Variants in MTMR3 observed in about 807,000 individuals in gnomAD.
MTMR3 encodes myotubularin related protein 3.
MTMR3 carries 32 observed loss-of-function variants against 132.4 expected under a neutral mutation model. The observed-to-expected ratio is 0.24, with a 90% CI of 0.18 to 0.32. MTMR3 has a LOEUF of 0.32. MTMR3 is among the 10% of genes least tolerant of loss of function. MTMR3 has a pLI of 1.00. For missense variants in MTMR3, 1,216 were observed against 1,489.6 expected, an observed-to-expected ratio of 0.82 and a Z score of 3.02; for synonymous variants, 556 against 550.3, an observed-to-expected ratio of 1.01 and a Z score of -0.14.
At chr22:29,938,638 C>T (rs1384653905) in intron 1 of MTMR3, among the ~76,000 whole-genome samples, 2 of 152,096 alleles carry the variant, frequency 1.3e-5, no homozygotes, top group African/African-American at 4.8e-5. Flanking sequence ...GTATTCAGAC[C>T]TTTCCGAAAT....
rs1276634531 is a variant in MTMR3, at chr22:30,016,522, C to T, written c.1504-6C>T. The T allele has an allele frequency of 1.2e-6, 2 of 1,612,678 alleles. No individual in the cohort carries two copies. Among genetic ancestry groups the T allele is most frequent in the Non-Finnish European group, 1.7e-6 (2 of 1,179,342 alleles). On this transcript the variant is annotated splice_region_variant and splice_polypyrimidine_tract_variant and intron_variant, in intron 14 of 19. Coordinates refer to ENST00000401950, the MANE Select transcript of MTMR3 (RefSeq NM_021090.4). ...GCTTAATTTGTGCTTCATTGGACTT[C>T]CATAGGTGAAACTGGTGCAGCATAC...
intron 2 of MTMR3, among the ~76,000 whole-genome samples, chr22:29,968,958 C>T (rs1381695357): frequency 2.6e-5 from 4 of 152,062 alleles, no homozygotes; most frequent in Admixed American, 6.6e-5. Context: ...AATGGTGCAC[C>T]CAAAACCCCT....
chr22:29,933,877 G>C (rs572065264), intron 1 of MTMR3, among the ~76,000 whole-genome samples: 1 of 151,962 alleles, frequency 6.6e-6, no homozygotes, highest in Non-Finnish European at 1.5e-5. Context: ...GGCTAAAGTA[G>C]GCATTTTTAG....
At chr22:30,022,957 C>T (rs1390344062) in intron 19 of MTMR3, 2 of 496,880 alleles carry the variant, frequency 4.0e-6, no homozygotes, top group Non-Finnish European at 7.2e-6. Context: ...AAACAACAGC[C>T]ACCACTGAAA....
chr22:30,022,511 T>C, intron 18 of MTMR3, 98 bp from the exon 19 acceptor site: 1 of 1,009,038 alleles, frequency 9.9e-7, no homozygotes, highest in Admixed American at 1.8e-5. Context: ...CTGGAGCTGA[T>C]GTGGTCCTTG....
At chr22:29,917,644 G>A (rs2065334261) in intron 1 of MTMR3, among the ~76,000 whole-genome samples, 1 of 152,178 alleles carries the variant, frequency 6.6e-6, no homozygotes, top group African/African-American at 2.4e-5. Flanking sequence ...TTATTTCACT[G>A]GAACAAGTCT....
chr22:29,997,147 A>G (rs1333503461), intron 7 of MTMR3: 1 of 152,202 alleles, frequency 6.6e-6, no homozygotes, highest in African/African-American at 2.4e-5. Flanking sequence ...AACTTTTCCA[A>G]AATGGGATGG....
At chr22:29,955,381 TACTC>T (rs1352754916) in intron 1 of MTMR3, among the ~76,000 whole-genome samples, 3 of 152,230 alleles carry the variant, frequency 2.0e-5, no homozygotes, top group Admixed American at 6.5e-5. Context: ...TTCATGCAAA[TACTC>T]AGGTAGAATT....
chr22:29,937,854 G>C (rs995401609), intron 1 of MTMR3, among the ~76,000 whole-genome samples: 1 of 152,070 alleles, frequency 6.6e-6, no homozygotes, highest in Non-Finnish European at 1.5e-5. Flanking sequence ...TTTAGTTGTT[G>C]GTTCCTAATT....
intron 1 of MTMR3, among the ~76,000 whole-genome samples, chr22:29,911,116 C>T (rs1346587850): frequency 6.6e-6 from 1 of 152,098 alleles, no homozygotes; most frequent in Non-Finnish European, 1.5e-5. Flanking sequence ...AGAATGAAAC[C>T]AGAATGAGGC....
intron 18 of MTMR3, 115 bp from the exon 19 acceptor site, chr22:30,022,494 G>A (rs772434447): frequency 1.2e-5 from 10 of 849,000 alleles, no homozygotes; most frequent in Non-Finnish European, 1.9e-5. Context: ...CTGCTGGGCT[G>A]GTGCCACTGG....
chr22:29,962,903 C>CT (rs2066339165), intron 2 of MTMR3, among the ~76,000 whole-genome samples: 1 of 138,702 alleles, frequency 7.2e-6, no homozygotes, highest in African/African-American at 2.7e-5. Context: ...TCCTTTCTCT[C>CT]TTTTTTCTTT....
At chr22:29,897,973 GTATTAT>G (rs1230134691) in intron 1 of MTMR3, among the ~76,000 whole-genome samples, 1 of 151,900 alleles carries the variant, frequency 6.6e-6, no homozygotes, top group Non-Finnish European at 1.5e-5. Flanking sequence ...TGATATATGT[GTATTAT>G]TATTATTATT....
chr22:30,002,813 C>G, intron 8 of MTMR3, 67 bp from the exon 9 acceptor site: 1 of 1,217,218 alleles, frequency 8.2e-7, no homozygotes, highest in East Asian at 2.3e-5. Flanking sequence ...GTGTCTCTCT[C>G]TCTCTCCCGT....
chr22:29,944,314 T>C (rs1569017106), intron 1 of MTMR3, among the ~76,000 whole-genome samples: 1 of 151,958 alleles, frequency 6.6e-6, no homozygotes, highest in Non-Finnish European at 1.5e-5. Context: ...CCACTGCTTT[T>C]ATCTACCCCA....
At chr22:29,910,629 G>A (rs2065192804) in intron 1 of MTMR3, among the ~76,000 whole-genome samples, 1 of 151,402 alleles carries the variant, frequency 6.6e-6, no homozygotes, top group South Asian at 2.1e-4. Flanking sequence ...CTGTTATTGA[G>A]TAAATTTTTA....
At chr22:30,013,191 C>G (rs1047802176) in intron 13 of MTMR3, 165 bp from the exon 14 acceptor site, 2 of 545,802 alleles carry the variant, frequency 3.7e-6, no homozygotes, top group Admixed American at 7.1e-5. Flanking sequence ...GGAAATTTCC[C>G]TAAGTGTGTG....
At chr22:29,998,897 T>G in intron 8 of MTMR3, 40 bp downstream of exon 8, 1 of 1,424,300 alleles carries the variant, frequency 7.0e-7, no homozygotes, top group Non-Finnish European at 9.6e-7. Context: ...TCACAGCCAG[T>G]GCCTTTGCAG....
chr22:29,911,372 G>A (rs1424260478), intron 1 of MTMR3, among the ~76,000 whole-genome samples: 1 of 151,882 alleles, frequency 6.6e-6, no homozygotes, highest in Non-Finnish European at 1.5e-5. Flanking sequence ...AGGGAGACTT[G>A]TCTCTACAAA....
Sources: allele counts gnomAD v4.1 joint callset (sites outside exome capture counted in the v4.1 genomes callset), GRCh38; gene constraint gnomAD v4.1.1; transcripts MANE v1.5; gene names NCBI Gene and HGNC (gene_info 2026-07-23, HGNC 2026-07-21).